MECOM: variants seen among roughly 807,000 people sequenced by gnomAD.
MECOM encodes the protein MDS1 and EVI1 complex locus.
Under a neutral mutation model 116.3 loss-of-function variants are expected in MECOM, and 13 were observed. The ratio of observed to expected loss-of-function variants is 0.11; its 90% CI spans 0.07 to 0.18. The LOEUF is 0.18. MECOM is among the 10% of genes least tolerant of loss of function. MECOM has a pLI of 1.00. For synonymous variants in MECOM, 528 were observed against 535.2 expected (o/e 0.99, Z 0.19); for missense variants, 1,299 against 1,509.0 (o/e 0.86, Z 2.31).
chr3:169,554,646 C>G (rs1344445732), intron 1 of MECOM, among the ~76,000 whole-genome samples: 1 of 152,068 alleles, frequency 6.6e-6, no homozygotes, highest in African/African-American at 2.4e-5. Context: ...ACATAAAAAC[C>G]AGAGATTCCC....
chr3:169,403,515 T>C (rs1736204856), intron 1 of MECOM, among the ~76,000 whole-genome samples: 3 of 152,212 alleles, frequency 2.0e-5, no homozygotes. Context: ...ACAAAGCAAA[T>C]CCTGTCAAAT....
At chr3:169,431,973 T>C (rs148157007) in intron 1 of MECOM, among the ~76,000 whole-genome samples, 9 of 151,838 alleles carry the variant, frequency 5.9e-5, no homozygotes, top group Non-Finnish European at 8.8e-5. Flanking sequence ...AAATCAGAAA[T>C]TTGGATTTTG....
chr3:169,410,657 T>C (rs1737413931), intron 1 of MECOM, among the ~76,000 whole-genome samples: 1 of 152,098 alleles, frequency 6.6e-6, no homozygotes, highest in South Asian at 2.1e-4. Context: ...GTTAAGTGAG[T>C]TGTGGAACTG....
chr3:169,139,585 A>G (rs982525140), intron 3 of MECOM, among the ~76,000 whole-genome samples: 1 of 152,162 alleles, frequency 6.6e-6, no homozygotes, highest in Admixed American at 6.6e-5. Context: ...TAAAAAGCCA[A>G]CTTAGGTAAA....
At chr3:169,453,617 T>C (rs1745975435) in intron 1 of MECOM, among the ~76,000 whole-genome samples, 1 of 152,152 alleles carries the variant, frequency 6.6e-6, no homozygotes, top group Non-Finnish European at 1.5e-5. Context: ...GTCTGGCCTA[T>C]TCTGCATAAA....
intron 2 of MECOM, among the ~76,000 whole-genome samples, chr3:169,157,401 T>C (rs917091972): frequency 5.3e-5 from 8 of 152,228 alleles, no homozygotes; most frequent in Non-Finnish European, 4.4e-5. Flanking sequence ...ATTTCACTAT[T>C]TCAATGACTG....
At chr3:169,102,777 T>C (rs530169331) in intron 10 of MECOM, among the ~76,000 whole-genome samples, 4 of 152,180 alleles carry the variant, frequency 2.6e-5, no homozygotes, top group African/African-American at 9.6e-5. Context: ...TAAGACTACA[T>C]TAAATTAACA....
chr3:169,623,485 C>T (rs940017236), intron 1 of MECOM, among the ~76,000 whole-genome samples: 1 of 152,132 alleles, frequency 6.6e-6, no homozygotes, highest in Non-Finnish European at 1.5e-5. Flanking sequence ...CCCAAATTCT[C>T]ATCCTATAAA....
intron 1 of MECOM, among the ~76,000 whole-genome samples, chr3:169,601,310 G>A (rs1767803955): frequency 6.6e-6 from 1 of 152,172 alleles, no homozygotes; most frequent in Non-Finnish European, 1.5e-5. Flanking sequence ...CAGAACCAGG[G>A]GGAAAAGAAG....
intron 14 of MECOM, 58 bp from the exon 15 acceptor site, chr3:169,090,294 T>G: frequency 6.7e-7 from 1 of 1,483,038 alleles, no homozygotes; most frequent in South Asian, 1.3e-5. Flanking sequence ...AAATTGTAAT[T>G]TGTTCCTTTA....
intron 2 of MECOM, among the ~76,000 whole-genome samples, chr3:169,343,597 T>C (rs887727377): frequency 5.3e-5 from 8 of 152,206 alleles, no homozygotes; most frequent in Non-Finnish European, 7.3e-5. Flanking sequence ...GCTTCGTTAA[T>C]AGCTAAACAA....
chr3:169,526,039 A>T (rs1469032721), intron 1 of MECOM, among the ~76,000 whole-genome samples: 1 of 151,086 alleles, frequency 6.6e-6, no homozygotes, highest in Non-Finnish European at 1.5e-5. Context: ...GAAGGAAAAA[A>T]AAAAAGTAGC....
chr3:169,140,523 T>A (rs1384173936), intron 3 of MECOM, among the ~76,000 whole-genome samples: 1 of 152,050 alleles, frequency 6.6e-6, no homozygotes, highest in East Asian at 1.9e-4. Context: ...GAAATTATGG[T>A]TTAGCAGTGA....
chr3:169,501,103 G>A (rs1215838312), intron 1 of MECOM, among the ~76,000 whole-genome samples: 1 of 151,846 alleles, frequency 6.6e-6, no homozygotes, highest in Non-Finnish European at 1.5e-5. Flanking sequence ...ATACAATCAG[G>A]CCCCTCCAGA....
At chr3:169,466,524 TGTC>T (rs772185278) in intron 1 of MECOM, among the ~76,000 whole-genome samples, 1 of 152,194 alleles carries the variant, frequency 6.6e-6, no homozygotes, top group African/African-American at 2.4e-5. Context: ...ATCATATACT[TGTC>T]GTCTCATCCA....
intron 2 of MECOM, among the ~76,000 whole-genome samples, chr3:169,371,193 A>T (rs1577886318): frequency 6.6e-6 from 1 of 151,952 alleles, no homozygotes; most frequent in African/African-American, 2.4e-5. Flanking sequence ...AAAGAAGAAA[A>T]CCCTGCCATT....
chr3:169,472,507 G>T (rs989183690), intron 1 of MECOM, among the ~76,000 whole-genome samples: 1 of 89,128 alleles, frequency 1.1e-5, no homozygotes, highest in African/African-American at 5.2e-5. Flanking sequence ...GGAAAGGAAA[G>T]GAAAGGAAAG....
chr3:169,376,138 C>T (rs981053056), intron 2 of MECOM, among the ~76,000 whole-genome samples: 1 of 152,064 alleles, frequency 6.6e-6, no homozygotes, highest in South Asian at 2.1e-4. Context: ...GCCCTTCACG[C>T]TAAAAACTCT....
intron 1 of MECOM, among the ~76,000 whole-genome samples, chr3:169,387,665 GTTAA>G (rs1308014942): frequency 6.6e-6 from 1 of 152,134 alleles, no homozygotes; most frequent in Non-Finnish European, 1.5e-5. Context: ...TTATTAAGAA[GTTAA>G]TTATTTATAC....
Sources: gnomAD v4.1 joint callset for allele counts (sites outside exome capture counted in the v4.1 genomes callset) on GRCh38, gnomAD v4.1.1 for gene constraint, MANE v1.5 for transcripts, NCBI Gene and HGNC (gene_info 2026-07-23, HGNC 2026-07-21) for gene names.